ATRX: variants seen among roughly 807,000 people sequenced by gnomAD.
The protein encoded by ATRX is ATRX chromatin remodeler.
ATRX carries 12 observed loss-of-function variants against 172.6 expected under a neutral mutation model. The ratio of observed to expected loss-of-function variants is 0.07; its 90% CI spans 0.04 to 0.11. The LOEUF is 0.11. ATRX is among the 10% of genes least tolerant of loss of function. The pLI is 1.00. For synonymous variants in ATRX, 674 were observed against 594.7 expected (o/e 1.13, Z -1.94); for missense variants, 1,368 against 1,767.4 (o/e 0.77, Z 4.05).
chrX:77,569,386 C>T (rs782282551), intron 28 of ATRX, among the ~76,000 whole-genome samples: 1 of 110,851 alleles, frequency 9.0e-6, no homozygotes, highest in Admixed American at 9.6e-5. Flanking sequence ...GACAAATTCA[C>T]AATTATAGTT....
intron 33 of ATRX, 117 bp from the exon 34 acceptor site, chrX:77,521,033 T>C: frequency 1.3e-6 from 1 of 783,045 alleles, no homozygotes; most frequent in Non-Finnish European, 1.8e-6. Context: ...TCCTTTATTC[T>C]TTTCTGAAGA....
chrX:77,643,002 T>A (rs1054581592), intron 15 of ATRX, among the ~76,000 whole-genome samples: 2 of 111,231 alleles, frequency 1.8e-5, no homozygotes, highest in Non-Finnish European at 3.8e-5. Flanking sequence ...TTCAATACAA[T>A]AGGAACGTTT....
intron 12 of ATRX, among the ~76,000 whole-genome samples, chrX:77,661,441 A>G (rs781906419): frequency 4.8e-5 from 5 of 103,368 alleles, no homozygotes; most frequent in Non-Finnish European, 1.0e-4. Flanking sequence ...CCAGAGGTCC[A>G]GAGTTCAAAA....
At chrX:77,741,071 C>T (rs1404895734) in intron 1 of ATRX, among the ~76,000 whole-genome samples, 1 of 109,947 alleles carries the variant, frequency 9.1e-6, no homozygotes. Flanking sequence ...CACAAAGTCA[C>T]ATGTGGTAGT....
intron 30 of ATRX, among the ~76,000 whole-genome samples, chrX:77,553,140 G>A (rs960112429): frequency 2.7e-5 from 3 of 111,228 alleles, no homozygotes; most frequent in African/African-American, 9.8e-5. Context: ...GAAATCCCTC[G>A]CCATGAATAT....
At chrX:77,563,841 C>A (rs1557063163) in intron 28 of ATRX, among the ~76,000 whole-genome samples, 1 of 109,387 alleles carries the variant, frequency 9.1e-6, no homozygotes, top group African/African-American at 3.3e-5. Flanking sequence ...TCGTATAAAT[C>A]CTGGTCCCAG....
At chrX:77,709,987 C>A (rs2073030619) in intron 2 of ATRX, among the ~76,000 whole-genome samples, 1 of 111,451 alleles carries the variant, frequency 9.0e-6, no homozygotes, top group Non-Finnish European at 1.9e-5. Flanking sequence ...TTTGCTTTAA[C>A]AAATAAATGG....
In ATRX at chrX:77,767,753, T is replaced by C. The variant is rs191061568; in HGVS notation, c.20+18229A>G. ...CACTCCTGGAAATAACCTTTTCCTCTGCAATATATTGATGCCCACATCCCT... is the reference window on the plus strand; with the variant it reads ...CACTCCTGGAAATAACCTTTTCCTCCGCAATATATTGATGCCCACATCCCT... On this transcript the variant is annotated intron_variant, in intron 1 of 34. Transcript: ENST00000373344. Among the ~76,000 whole-genome samples the C allele has an allele frequency of 8.1e-5, 9 of 111,619 alleles. No homozygotes were observed. The East Asian group carries it at 2.5e-3, about 31-fold the overall frequency.
At chrX:77,777,216 A>T (rs1343827144) in intron 1 of ATRX, among the ~76,000 whole-genome samples, 1 of 103,354 alleles carries the variant, frequency 9.7e-6, no homozygotes, top group Non-Finnish European at 2.0e-5. Flanking sequence ...AAAAAAAAAA[A>T]AAAAAAATAC....
At chrX:77,717,073 G>A (rs1217341998) in intron 2 of ATRX, 58 bp downstream of exon 2, 4 of 969,542 alleles carry the variant, frequency 4.1e-6, no homozygotes, top group Non-Finnish European at 5.8e-6. Context: ...ACCTCCATAA[G>A]TGTAAAAAAA....
chrX:77,661,813 C>T (rs1207255057), intron 12 of ATRX, among the ~76,000 whole-genome samples: 1 of 111,440 alleles, frequency 9.0e-6, no homozygotes, highest in Non-Finnish European at 1.9e-5. Flanking sequence ...CCACCCAGTA[C>T]TCCAGTGTGA....
chrX:77,676,144 C>A lies in ATRX; in HGVS notation c.3809+82G>T, dbSNP rs998962709. ...AGGCACTCCTGGTTTTTACAACCTG[C>A]TTGCTGTTCCGTTGCTGCTGTTTGT... On this transcript the variant is annotated intron_variant, in intron 10 of 34. Transcript: ENST00000373344. 3 of 944,970 alleles carry A rather than the reference C, an allele frequency of 3.2e-6. No individual in the cohort carries two copies. The African/African-American group carries it at 5.8e-5, about 18-fold the overall frequency. 77.9% of individuals were successfully genotyped at this position (944,970 alleles called of 1,213,427 possible).
At chrX:77,780,371 G>C (rs782277764) in intron 1 of ATRX, among the ~76,000 whole-genome samples, 1 of 110,321 alleles carries the variant, frequency 9.1e-6, no homozygotes, top group Admixed American at 9.7e-5. Context: ...TCACCCTGTC[G>C]CCCAGGCTGC....
At chrX:77,750,238 A>T (rs554307402) in intron 1 of ATRX, among the ~76,000 whole-genome samples, 1 of 111,772 alleles carries the variant, frequency 8.9e-6, no homozygotes, top group Non-Finnish European at 1.9e-5. Flanking sequence ...GGAAAAAAAC[A>T]TAAGTGTATA....
At chrX:77,718,040 A>G (rs1437033842) in intron 1 of ATRX, among the ~76,000 whole-genome samples, 3 of 111,595 alleles carry the variant, frequency 2.7e-5, no homozygotes, top group African/African-American at 9.8e-5. Flanking sequence ...TATATAGCTT[A>G]TATTTGGGAA....
Position 77,507,270 on chromosome X carries a change from T to A in ATRX, c.*1081A>T, listed in dbSNP as rs1455186632. The A allele has an allele frequency of 2.3e-5, 4 of 170,651 alleles. No individual in the cohort carries two copies. Among genetic ancestry groups the A allele is most frequent in the Non-Finnish European group, 4.5e-5 (4 of 89,442 alleles). The allele number at this position is 170,651 out of a possible 1,213,427, so 14.1% of individuals were successfully genotyped here. ...ATGATGATGAGAGAAAAGAAGCGCA[T>A]AGAAGCCAGTGATTCTTATCTTTCA... is the stretch of plus-strand genomic sequence containing the variant. On this transcript the variant is annotated 3_prime_UTR_variant, in exon 35 of 35. Coordinates refer to ENST00000373344, the MANE Select transcript of ATRX (RefSeq NM_000489.6).
intron 1 of ATRX, among the ~76,000 whole-genome samples, chrX:77,726,676 CA>C (rs2074057688): frequency 9.0e-6 from 1 of 111,651 alleles, no homozygotes; most frequent in African/African-American, 3.2e-5. Context: ...CTCACATTCA[CA>C]TAACTACAAA....
rs2148498207 is a variant in ATRX, at chrX:77,664,743, G to A, written c.3845C>T (p.Ala1282Val). The A allele has an allele frequency of 8.3e-7, 1 of 1,207,220 alleles. No individual in the cohort carries two copies. Among genetic ancestry groups the A allele is most frequent in the South Asian group, 1.8e-5 (1 of 56,632 alleles). Residue 1282 changes from alanine (A) to valine (V), a missense_variant, in exon 11 of 35, where the codon GCC becomes GTC. By Grantham distance (64) the Ala-to-Val change is moderately conservative. Coordinates refer to ENST00000373344, the MANE Select transcript of ATRX (RefSeq NM_000489.6). ...TCCATCCTCATCAGAGGAAAGATTGGCTTTAATTTCTTCTAAAAGCATCTT... is the reference window on the plus strand; with the variant it reads ...TCCATCCTCATCAGAGGAAAGATTGACTTTAATTTCTTCTAAAAGCATCTT... ...AKKMLLEEIK[A>V]NLSSDEDGSS...
rs782293618 is a variant in ATRX at position 77,600,956 on chromosome X, C to T, written c.5567-392G>A. Among the ~76,000 whole-genome samples the T allele has an allele frequency of 2.7e-5, 3 of 111,539 alleles. No homozygotes were observed. In the East Asian group the frequency reaches 8.4e-4, roughly 31 times the overall value. ...AACAAAGTCATGGTTATCACTAACA[C>T]TACTATAGATTGTTGCCTCTATTCA... is the stretch of plus-strand genomic sequence containing the variant. On this transcript the variant is annotated intron_variant, in intron 22 of 34. Coordinates refer to ENST00000373344, the MANE Select transcript of ATRX (RefSeq NM_000489.6).
Sources: gnomAD v4.1 joint callset for allele counts (sites outside exome capture counted in the v4.1 genomes callset) on GRCh38, gnomAD v4.1.1 for gene constraint, MANE v1.5 for transcripts, NCBI Gene and HGNC (gene_info 2026-07-23, HGNC 2026-07-21) for gene names.